Variants in ZDHHC14 observed in about 807,000 individuals in gnomAD.
The protein encoded by ZDHHC14 is palmitoyltransferase ZDHHC14.
ZDHHC14 carries 16 observed loss-of-function variants against 47.7 expected under a neutral mutation model. The ratio of observed to expected loss-of-function variants is 0.34; its 90% CI spans 0.23 to 0.51. The LOEUF is 0.51. Ranked by LOEUF, ZDHHC14 falls within the 20% of genes least tolerant of loss-of-function variation. The pLI is 0.97. For synonymous variants in ZDHHC14, 293 were observed against 278.9 expected (o/e 1.05, Z -0.50); for missense variants, 515 against 662.5 (o/e 0.78, Z 2.44).
chr6:157,401,372 C>G (rs1192205151), intron 1 of ZDHHC14, among the ~76,000 whole-genome samples: 1 of 152,210 alleles, frequency 6.6e-6, no homozygotes, highest in Non-Finnish European at 1.5e-5. Flanking sequence ...ATACAGGCAC[C>G]ATTTTTCTTT....
intron 8 of ZDHHC14, among the ~76,000 whole-genome samples, chr6:157,656,720 A>C (rs368304292): frequency 0.45 from 46,092 of 102,524 alleles, 7,575 homozygotes; most frequent in African/African-American, 0.53. Context: ...AAAAAAAAAC[A>C]AAAAAAAAAA....
intron 2 of ZDHHC14, among the ~76,000 whole-genome samples, chr6:157,581,467 G>A (rs1783518997): frequency 6.6e-6 from 1 of 152,034 alleles, no homozygotes; most frequent in African/African-American, 2.4e-5. Flanking sequence ...TTCAGGTCCT[G>A]AATATCTTTG....
At chr6:157,494,900 G>A (rs113708646) in intron 1 of ZDHHC14, among the ~76,000 whole-genome samples, 6 of 152,094 alleles carry the variant, frequency 3.9e-5, no homozygotes, top group African/African-American at 9.6e-5. Flanking sequence ...AATGCTCATC[G>A]ATACCTTGAA....
chr6:157,431,022 G>A (rs1168002730), intron 1 of ZDHHC14, among the ~76,000 whole-genome samples: 1 of 152,170 alleles, frequency 6.6e-6, no homozygotes, highest in Non-Finnish European at 1.5e-5. Context: ...TGATGGACTT[G>A]TCTGTAAATA....
chr6:157,495,922 C>T (rs1042813660), intron 1 of ZDHHC14, among the ~76,000 whole-genome samples: 1 of 152,038 alleles, frequency 6.6e-6, no homozygotes, highest in African/African-American at 2.4e-5. Flanking sequence ...CCAGGCTGGT[C>T]TTGAACTCCT....
At chr6:157,624,343 C>CTGAAAAGAAAG (rs1785318846) in intron 3 of ZDHHC14, among the ~76,000 whole-genome samples, 1 of 152,214 alleles carries the variant, frequency 6.6e-6, no homozygotes, top group East Asian at 1.9e-4. Context: ...CCCTGCTTTT[C>CTGAAAAGAAAG]CATGGCCTGT....
intron 1 of ZDHHC14, among the ~76,000 whole-genome samples, chr6:157,531,731 G>A (rs1021369909): frequency 6.6e-6 from 1 of 152,200 alleles, no homozygotes; most frequent in Admixed American, 6.5e-5. Context: ...CCTGAATGAA[G>A]GCGTGAAGGA....
At chr6:157,648,480 C>T (rs1777666809) in intron 7 of ZDHHC14, among the ~76,000 whole-genome samples, 1 of 141,590 alleles carries the variant, frequency 7.1e-6, no homozygotes, top group Non-Finnish European at 1.5e-5. Flanking sequence ...GCCATCTGTG[C>T]ACTGGCATTG....
intron 1 of ZDHHC14, among the ~76,000 whole-genome samples, chr6:157,478,352 C>G (rs1779541063): frequency 6.6e-6 from 1 of 152,112 alleles, no homozygotes; most frequent in Non-Finnish European, 1.5e-5. Flanking sequence ...AGAATTTTAC[C>G]AACACTGTTG....
Position 157,586,702 on chromosome 6 carries a change from C to A in ZDHHC14, c.407-6286C>A. On this transcript the variant is annotated intron_variant, in intron 2 of 8. Transcript: ENST00000359775. The surrounding 1 kb of genome is among the most constrained non-coding windows in gnomAD (Gnocchi z 4.6). ...CCCTCGGCAACCCCTGGTGCAGCAC[C>A]GGCTTATAGTAAATCCTTCATAAAT... Among the ~76,000 whole-genome samples, 1 of 90,706 alleles carries A rather than the reference C, an allele frequency of 1.1e-5. No individual in the cohort carries two copies. Among genetic ancestry groups the A allele is most frequent in the East Asian group, 8.7e-4 (1 of 1,148 alleles). 59.5% of individuals were successfully genotyped at this position (90,706 alleles called of 152,430 possible).
chr6:157,447,671 C>T (rs1583653383), intron 1 of ZDHHC14, among the ~76,000 whole-genome samples: 1 of 152,186 alleles, frequency 6.6e-6, no homozygotes, highest in Non-Finnish European at 1.5e-5. Context: ...GGAAGTTGTC[C>T]TCCCAGGTTG....
At chr6:157,457,637 A>C (rs1214463314) in intron 1 of ZDHHC14, among the ~76,000 whole-genome samples, 1 of 152,200 alleles carries the variant, frequency 6.6e-6, no homozygotes, top group African/African-American at 2.4e-5. Context: ...TTTACTGTGA[A>C]CTATTAGTCA....
chr6:157,437,443 A>C (rs1778463761), intron 1 of ZDHHC14, among the ~76,000 whole-genome samples: 1 of 152,170 alleles, frequency 6.6e-6, no homozygotes, highest in African/African-American at 2.4e-5. Context: ...TTCTGTCTCC[A>C]GCCTTGAACA....
At chr6:157,621,695 G>A (rs1785194392) in intron 3 of ZDHHC14, among the ~76,000 whole-genome samples, 1 of 152,184 alleles carries the variant, frequency 6.6e-6, no homozygotes. Context: ...CGACTTCTGG[G>A]AGAGTTCAAA....
intron 2 of ZDHHC14, among the ~76,000 whole-genome samples, chr6:157,563,665 G>A (rs903730134): frequency 6.6e-6 from 1 of 152,184 alleles, no homozygotes; most frequent in Non-Finnish European, 1.5e-5. Context: ...AGGGGCATGC[G>A]GTGGGCACTG....
intron 2 of ZDHHC14, among the ~76,000 whole-genome samples, chr6:157,543,349 T>G (rs1331488977): frequency 1.3e-4 from 3 of 23,652 alleles, no homozygotes; most frequent in Admixed American, 4.2e-4. Flanking sequence ...ACTTTTACAG[T>G]TTTTTTTTTT....
At chr6:157,623,739 G>A (rs151309670) in intron 3 of ZDHHC14, among the ~76,000 whole-genome samples, 5,003 of 151,822 alleles carry the variant, frequency 0.033, 298 homozygotes, top group African/African-American at 0.12. Flanking sequence ...TAGTAGAGAC[G>A]GGGTTTCACC....
chr6:157,467,694 C>T (rs1326039349), intron 1 of ZDHHC14, among the ~76,000 whole-genome samples: 1 of 151,976 alleles, frequency 6.6e-6, no homozygotes, highest in Non-Finnish European at 1.5e-5. Flanking sequence ...GAATTACAGG[C>T]GCCTGCCAAC....
intron 1 of ZDHHC14, among the ~76,000 whole-genome samples, chr6:157,444,212 A>G (rs986372085): frequency 2.0e-5 from 3 of 152,242 alleles, no homozygotes; most frequent in East Asian, 3.9e-4. Context: ...TACACCCGCA[A>G]TGAAGCCTAC....
Sources: allele counts gnomAD v4.1 joint callset (sites outside exome capture counted in the v4.1 genomes callset), GRCh38; gene constraint gnomAD v4.1.1; non-coding constraint Gnocchi (gnomAD v3.1); transcripts MANE v1.5; gene names NCBI Gene and HGNC (gene_info 2026-07-23, HGNC 2026-07-21).